Variants in STON2 observed in about 807,000 individuals in gnomAD.
The protein encoded by STON2 is stonin-2.
A neutral mutation model predicts 65.7 loss-of-function variants in STON2; 29 were observed. The observed-to-expected ratio is 0.44, with a 90% CI of 0.33 to 0.60. STON2 has a LOEUF of 0.60. STON2 is among the 20% of genes least tolerant of loss of function. The probability of loss-of-function intolerance (pLI) is 0.03; values close to 1 mark genes in which losing one functional copy is unlikely to be tolerated. For missense variants in STON2, 1,054 were observed against 1,118.1 expected (o/e 0.94, Z 0.82); for synonymous variants, 404 against 414.2 (o/e 0.98, Z 0.30).
rs982762080 is a variant in STON2 at position 81,261,699 on chromosome 14, T to C, written c.*6715A>G. 3.1e-6 allele frequency: 4 copies of C among 1,288,060 alleles called. No homozygotes were observed. The African/African-American group carries it at 6.0e-5, about 19-fold the overall frequency. 79.8% of individuals were successfully genotyped at this position (1,288,060 alleles called of 1,614,324 possible). A position where few individuals can be genotyped will look rare whatever the true frequency, so the allele number is the denominator to read the frequency against. On this transcript the variant is annotated 3_prime_UTR_variant, in exon 8 of 8. Transcript: ENST00000614646. Reference sequence around the variant, plus strand: ...TTGATTATCCTATCATCCCCAGTACTTGGAGGGTTAGACCTACTTCTGTGT... The same window carrying C: ...TTGATTATCCTATCATCCCCAGTACCTGGAGGGTTAGACCTACTTCTGTGT...
chr14:81,283,588 T>C (rs1490839543), intron 5 of STON2, among the ~76,000 whole-genome samples: 1 of 146,604 alleles, frequency 6.8e-6, no homozygotes. Flanking sequence ...TGGAATGCAG[T>C]GGCGCTATCT....
chr14:81,358,877 C>A (rs1271412327), intron 4 of STON2, among the ~76,000 whole-genome samples: 1 of 152,052 alleles, frequency 6.6e-6, no homozygotes, highest in East Asian at 1.9e-4. Context: ...TATCGAAGCA[C>A]CTAAATACAT....
rs1401424071 is a variant in STON2 at position 81,412,168 on chromosome 14, G to A, written c.-198-13588C>T. Among the ~76,000 whole-genome samples the A allele has an allele frequency of 5.7e-5, 8 of 140,068 alleles. 2 individuals are homozygous for A. Among genetic ancestry groups the A allele is most frequent in the African/African-American group, 2.0e-4 (7 of 34,162 alleles). The allele number at this position is 140,068 out of a possible 152,430, so 91.9% of individuals were successfully genotyped here. ...GATGTTTAACTTTTACTCCAAGCACGATGAGAAGTCACTGAAGAAGTTTAA... is the reference window on the plus strand; with the variant it reads ...GATGTTTAACTTTTACTCCAAGCACAATGAGAAGTCACTGAAGAAGTTTAA... On this transcript the variant is annotated intron_variant, in intron 2 of 8. Transcript: ENST00000553821.
intron 2 of STON2, among the ~76,000 whole-genome samples, chr14:81,419,741 A>C (rs1390022203): frequency 6.6e-6 from 1 of 152,208 alleles, no homozygotes; most frequent in Non-Finnish European, 1.5e-5. Context: ...AGGTGTGAAC[A>C]TATCTTAGGC....
At chr14:81,362,690 ATTGAT>A (rs1461428916) in intron 4 of STON2, among the ~76,000 whole-genome samples, 21 of 152,186 alleles carry the variant, frequency 1.4e-4, no homozygotes. Context: ...AGATACGTTA[ATTGAT>A]TTAATTGTTC....
At chr14:81,392,144 C>T (rs75897481) in intron 3 of STON2, among the ~76,000 whole-genome samples, 2 of 152,240 alleles carry the variant, frequency 1.3e-5, no homozygotes, top group East Asian at 3.9e-4. Flanking sequence ...ATCAAAGCAG[C>T]AAACTACAGC....
At position 81,278,140 on chromosome 14, in the gene STON2, C is replaced by G; in HGVS notation, c.1342G>C (p.Asp448His). ...AVEKLKQLQI[D>H]DPDHFGSATL... The stretch of plus-strand genomic sequence containing the variant: ...GCACTGCCAAAGTGATCAGGGTCAT[C>G]AATTTGGAGTTGTTTGAGTTTTTCA... The change falls in exon 6 of 8, where the codon GAT becomes CAT. Residue 448 changes from aspartate (D) to histidine (H), a missense_variant. Transcript: ENST00000614646. 6.2e-7 allele frequency: 1 copy of G among 1,614,184 alleles called. No homozygotes were observed. The highest frequency in any genetic ancestry group is 8.5e-7 in the Non-Finnish European group (1 of 1,180,036).
At chr14:81,408,651 T>C (rs1900996075) in intron 2 of STON2, among the ~76,000 whole-genome samples, 1 of 150,706 alleles carries the variant, frequency 6.6e-6, no homozygotes, top group Non-Finnish European at 1.5e-5. Flanking sequence ...CAAAATACTC[T>C]ACTGTGTGAT....
chr14:81,421,382 T>C (rs1901696874), intron 2 of STON2, among the ~76,000 whole-genome samples: 1 of 152,170 alleles, frequency 6.6e-6, no homozygotes, highest in South Asian at 2.1e-4. Flanking sequence ...CTGGGTTTTG[T>C]CATAAAGGCA....
At chr14:81,271,772 T>C (rs967324611) in intron 6 of STON2, among the ~76,000 whole-genome samples, 2 of 152,242 alleles carry the variant, frequency 1.3e-5, no homozygotes, top group African/African-American at 2.4e-5. Flanking sequence ...ATCATTGTCA[T>C]TCACCTGCCA....
chr14:81,428,715 T>C (rs1370232480), intron 1 of STON2, among the ~76,000 whole-genome samples: 1 of 152,064 alleles, frequency 6.6e-6, no homozygotes, highest in Non-Finnish European at 1.5e-5. Context: ...ACAATGATAC[T>C]CTGTCTCAAA....
rs762255220 is a variant in STON2, at chr14:81,413,296, A to C, written c.-199+13806T>G. On this transcript the variant is annotated intron_variant, in intron 2 of 8. Transcript: ENST00000553821. ...ATCCAAAAACAAGGACTGCAGCCTAAATTCCAAATACCAGAGACTGAAATT... is the reference window on the plus strand; with the variant it reads ...ATCCAAAAACAAGGACTGCAGCCTACATTCCAAATACCAGAGACTGAAATT... 9.1e-5 allele frequency: 123 copies of C among 1,353,028 alleles called. 9 individuals are homozygous for C. The highest frequency in any genetic ancestry group is 8.3e-4 in the Middle Eastern group (3 of 3,636). 83.8% of individuals were successfully genotyped at this position (1,353,028 alleles called of 1,614,324 possible). A position where few individuals can be genotyped will look rare whatever the true frequency, so the allele number is the denominator to read the frequency against.
rs545138509 is a variant in STON2, at chr14:81,394,033, A to T, written c.373+1861T>A. The stretch of plus-strand genomic sequence containing the variant: ...TGGCAAAATCCTGTCTCTACTAAAA[A>T]TACAAAAATTAGCCAGGCATGGTGA... On this transcript the variant is annotated intron_variant, in intron 3 of 7. Coordinates refer to ENST00000614646, the MANE Select transcript of STON2 (RefSeq NM_001394390.1). 4.6e-5 allele frequency among the ~76,000 whole-genome samples: 7 copies of T among 152,176 alleles called. 1 individual carries two copies. Among genetic ancestry groups the T allele is most frequent in the South Asian group, 4.1e-4 (2 of 4,834 alleles).
At chr14:81,393,822 G>C (rs906571746) in intron 3 of STON2, among the ~76,000 whole-genome samples, 2 of 152,120 alleles carry the variant, frequency 1.3e-5, no homozygotes, top group African/African-American at 4.8e-5. Context: ...TGTTCAGTAA[G>C]GGAAGCCTGT....
At chr14:81,333,916 T>C (rs932421049) in intron 4 of STON2, among the ~76,000 whole-genome samples, 1 of 152,216 alleles carries the variant, frequency 6.6e-6, no homozygotes, top group African/African-American at 2.4e-5. Flanking sequence ...TTTACATTTG[T>C]ACACCTGTTC....
intron 5 of STON2, 196 bp from the exon 6 acceptor site, chr14:81,278,935 G>T: frequency 2.4e-6 from 1 of 424,678 alleles, no homozygotes; most frequent in African/African-American, 2.0e-5. Flanking sequence ...AGGAGCTATC[G>T]CATTAAGTGC....
chr14:81,332,070 A>G (rs920572164), intron 4 of STON2, among the ~76,000 whole-genome samples: 1 of 152,212 alleles, frequency 6.6e-6, no homozygotes, highest in Admixed American at 6.5e-5. Flanking sequence ...CTTCTCTCCC[A>G]GCCTCTGAGC....
intron 5 of STON2, among the ~76,000 whole-genome samples, chr14:81,321,555 G>GA (rs1896823789): frequency 6.6e-6 from 1 of 152,082 alleles, no homozygotes. Flanking sequence ...TAAATATACA[G>GA]TTTTCAATCA....
At chr14:81,431,072 C>G (rs982006058) in intron 1 of STON2, among the ~76,000 whole-genome samples, 1 of 152,084 alleles carries the variant, frequency 6.6e-6, no homozygotes, top group Non-Finnish European at 1.5e-5. Context: ...CACAGCTGCA[C>G]GAGGGGGAAA....
Sources: gnomAD v4.1 joint callset for allele counts (sites outside exome capture counted in the v4.1 genomes callset) on GRCh38, gnomAD v4.1.1 for gene constraint, MANE v1.5 for transcripts, NCBI Gene and HGNC (gene_info 2026-07-23, HGNC 2026-07-21) for gene names.